Variants in PRKACB observed in about 807,000 individuals in gnomAD.
The protein encoded by PRKACB is protein kinase cAMP-activated catalytic subunit beta.
In PRKACB, 16 loss-of-function variants were observed where a neutral mutation model predicts 51.4. That is an observed-to-expected ratio of 0.31 (90% CI 0.21 to 0.47). The LOEUF is 0.47. Among genes scored for constraint, PRKACB ranks in the 20% least tolerant of loss-of-function variants. The pLI is 1.00. For synonymous variants in PRKACB, 147 were observed against 154.4 expected (o/e 0.95, Z 0.35); for missense variants, 309 against 464.5 (o/e 0.67, Z 3.08).
intron 1 of PRKACB, among the ~76,000 whole-genome samples, chr1:84,090,536 C>T (rs1648376379): frequency 6.6e-6 from 1 of 152,174 alleles, no homozygotes; most frequent in South Asian, 2.1e-4. Flanking sequence ...TTTATGGGGA[C>T]TAGAAACACA....
At chr1:84,138,256 G>A (rs1653024771) in intron 1 of PRKACB, among the ~76,000 whole-genome samples, 1 of 152,116 alleles carries the variant, frequency 6.6e-6, no homozygotes, top group Non-Finnish European at 1.5e-5. Context: ...AGTGATGGAG[G>A]TATATCAAAG....
intron 1 of PRKACB, among the ~76,000 whole-genome samples, chr1:84,149,356 C>A (rs1382520457): frequency 6.6e-6 from 1 of 151,956 alleles, no homozygotes; most frequent in African/African-American, 2.4e-5. Context: ...GCCTCCCAGG[C>A]TCAAGCGATC....
chr1:84,080,149 TTAG>T (rs956574311), intron 1 of PRKACB, among the ~76,000 whole-genome samples: 1 of 152,104 alleles, frequency 6.6e-6, no homozygotes, highest in Admixed American at 6.5e-5. Context: ...AATGATTATA[TTAG>T]TAGTTTTCAT....
intron 4 of PRKACB, among the ~76,000 whole-genome samples, chr1:84,184,382 T>C (rs1664481209): frequency 6.6e-6 from 1 of 151,860 alleles, no homozygotes; most frequent in African/African-American, 2.4e-5. Flanking sequence ...AAAAGAAATA[T>C]TTCAATTTAT....
chr1:84,209,597 A>T (rs1161860641), intron 8 of PRKACB, among the ~76,000 whole-genome samples: 1 of 152,202 alleles, frequency 6.6e-6, no homozygotes, highest in Non-Finnish European at 1.5e-5. Flanking sequence ...AATGTTAAAT[A>T]ATATCCTATT....
At chr1:84,114,373 T>C (rs1304876361) in intron 1 of PRKACB, among the ~76,000 whole-genome samples, 4 of 152,088 alleles carry the variant, frequency 2.6e-5, no homozygotes, top group African/African-American at 4.8e-5. Context: ...TTATAAGCAA[T>C]TTCAGAACAG....
At chr1:84,102,394 A>G (rs1326578703) in intron 1 of PRKACB, among the ~76,000 whole-genome samples, 2 of 152,228 alleles carry the variant, frequency 1.3e-5, no homozygotes, top group East Asian at 1.9e-4. Context: ...CTCAAAAAAA[A>G]TAAAAAATGA....
chr1:84,204,946 C>CT (rs1392466378), intron 8 of PRKACB: 20 of 975,618 alleles, frequency 2.0e-5, no homozygotes, highest in Non-Finnish European at 2.2e-5. Context: ...TTATATCAAA[C>CT]TTTAAAATTT....
chr1:84,222,663 A>G (rs1209676038), intron 9 of PRKACB, among the ~76,000 whole-genome samples: 4 of 152,192 alleles, frequency 2.6e-5, no homozygotes, highest in African/African-American at 7.2e-5. Context: ...ATGTAGGACT[A>G]CCTTAAGCAT....
At chr1:84,234,882 C>A (rs657603) in intron 9 of PRKACB, among the ~76,000 whole-genome samples, 21 of 152,270 alleles carry the variant, frequency 1.4e-4, no homozygotes, top group South Asian at 2.1e-4. Context: ...CTTCTGTGTC[C>A]CTCACGCTGG....
intron 9 of PRKACB, among the ~76,000 whole-genome samples, chr1:84,230,104 T>C (rs1367207639): frequency 6.6e-6 from 1 of 152,104 alleles, no homozygotes; most frequent in Non-Finnish European, 1.5e-5. Context: ...TGAATTGATT[T>C]TTGTATAAGG....
chr1:84,122,011 A>G (rs1651125175), intron 1 of PRKACB, among the ~76,000 whole-genome samples: 1 of 152,124 alleles, frequency 6.6e-6, no homozygotes, highest in African/African-American at 2.4e-5. Flanking sequence ...CCCCCAAAAC[A>G]GTCCCTAACT....
intron 7 of PRKACB, among the ~76,000 whole-genome samples, chr1:84,200,651 GA>G (rs1373051374): frequency 6.6e-6 from 1 of 151,990 alleles, no homozygotes; most frequent in African/African-American, 2.4e-5. Context: ...ATTTTGAGTT[GA>G]TTTTTGTATA....
At chr1:84,209,550 G>A (rs1048161700) in intron 8 of PRKACB, among the ~76,000 whole-genome samples, 1 of 152,128 alleles carries the variant, frequency 6.6e-6, no homozygotes, top group Non-Finnish European at 1.5e-5. Context: ...ATCCACTGCT[G>A]TCACTCTTAA....
chr1:84,190,838 A>G (rs116061020), intron 5 of PRKACB, among the ~76,000 whole-genome samples: 196 of 152,152 alleles, frequency 1.3e-3, no homozygotes, highest in African/African-American at 4.5e-3. Context: ...GTTTTATTGT[A>G]TGTAAGAATA....
intron 8 of PRKACB, among the ~76,000 whole-genome samples, chr1:84,203,647 A>AT (rs1670769371): frequency 6.6e-6 from 1 of 151,784 alleles, no homozygotes; most frequent in Non-Finnish European, 1.5e-5. Flanking sequence ...GGGAAGGGAT[A>AT]TTTTGCTTAT....
chr1:84,093,858 T>C (rs1557916938), intron 1 of PRKACB, among the ~76,000 whole-genome samples: 1 of 152,000 alleles, frequency 6.6e-6, no homozygotes, highest in Non-Finnish European at 1.5e-5. Context: ...TAGTTTCACA[T>C]GCTTTTTTGT....
intron 1 of PRKACB, chr1:84,174,888 G>T: frequency 1.4e-6 from 1 of 716,240 alleles, no homozygotes; most frequent in Non-Finnish European, 2.0e-6. Flanking sequence ...TAACTTATTT[G>T]AATACATACA....
chr1:84,181,628 A>G, intron 2 of PRKACB: 10 of 1,337,432 alleles, frequency 7.5e-6, no homozygotes, highest in Non-Finnish European at 9.8e-6. Flanking sequence ...GTGTTTTTAT[A>G]ATATAAAGAG....
Sources: gnomAD v4.1 joint callset for allele counts (sites outside exome capture counted in the v4.1 genomes callset) on GRCh38, gnomAD v4.1.1 for gene constraint, MANE v1.5 for transcripts, NCBI Gene and HGNC (gene_info 2026-07-23, HGNC 2026-07-21) for gene names.